Variants in CFAP20DC observed in about 807,000 individuals in gnomAD.
CFAP20DC encodes the protein protein CFAP20DC.
In CFAP20DC, 84 loss-of-function variants were observed where a neutral mutation model predicts 101.7. The ratio of observed to expected loss-of-function variants is 0.83; its 90% CI spans 0.69 to 0.99. CFAP20DC has a LOEUF of 0.99. CFAP20DC is among the 50% of genes least tolerant of loss of function. The probability of loss-of-function intolerance (pLI) is 0.00; values close to 1 mark genes in which losing one functional copy is unlikely to be tolerated. For synonymous variants in CFAP20DC, 359 were observed against 351.2 expected (o/e 1.02, Z -0.25); for missense variants, 1,007 against 970.3 (o/e 1.04, Z -0.50).
At chr3:58,919,255 GT>G (rs879570100) in intron 5 of CFAP20DC, among the ~76,000 whole-genome samples, 10 of 149,388 alleles carry the variant, frequency 6.7e-5, no homozygotes, top group Middle Eastern at 3.5e-3. Flanking sequence ...TATATTGGTA[GT>G]TTTTTTTTTA....
intron 14 of CFAP20DC, among the ~76,000 whole-genome samples, chr3:58,815,909 C>G (rs530882466): frequency 1.8e-4 from 28 of 151,436 alleles, no homozygotes; most frequent in East Asian, 3.9e-4. Context: ...TACACTGTTG[C>G]TGGGACTGTA....
intron 13 of CFAP20DC, among the ~76,000 whole-genome samples, chr3:58,835,725 A>G (rs760877628): frequency 2.6e-5 from 4 of 152,208 alleles, no homozygotes; most frequent in Non-Finnish European, 5.9e-5. Context: ...TAATTAACTT[A>G]GTCCTGCGAA....
Position 58,861,361 on chromosome 3 carries a change from T to C in CFAP20DC, c.1593+2197A>G. On this transcript the variant is annotated intron_variant, in intron 12 of 16. Coordinates refer to ENST00000482387, the MANE Select transcript of CFAP20DC (RefSeq NM_001394063.1). The surrounding 1 kb of genome is among the most constrained non-coding windows in gnomAD (Gnocchi z 4.0). ...AAGTATAATTATACAAAGATAAGGA[T>C]GTAACATTCTAAAATAATGCAATTA... 1 of 760,192 alleles carries C rather than the reference T, an allele frequency of 1.3e-6. No individual in the cohort carries two copies. The highest frequency in any genetic ancestry group is 1.6e-6 in the Non-Finnish European group (1 of 624,748). The allele number at this position is 760,192 out of a possible 1,614,324, so 47.1% of individuals were successfully genotyped here. A position where few individuals can be genotyped will look rare whatever the true frequency, so the allele number is the denominator to read the frequency against.
intron 4 of CFAP20DC, among the ~76,000 whole-genome samples, chr3:58,992,868 A>G (rs1239655541): frequency 6.6e-6 from 1 of 152,108 alleles, no homozygotes; most frequent in Non-Finnish European, 1.5e-5. Flanking sequence ...AGCTTATTTT[A>G]AAATAAAATA....
At chr3:58,991,386 T>A (rs539591756) in intron 4 of CFAP20DC, among the ~76,000 whole-genome samples, 1 of 152,174 alleles carries the variant, frequency 6.6e-6, no homozygotes, top group South Asian at 2.1e-4. Context: ...TCAATAAATA[T>A]TCACTGAATA....
intron 10 of CFAP20DC, among the ~76,000 whole-genome samples, chr3:58,867,004 T>C (rs935778706): frequency 6.6e-6 from 1 of 152,186 alleles, no homozygotes; most frequent in African/African-American, 2.4e-5. Flanking sequence ...GGGTTCCACA[T>C]GAAATGAAGT....
At chr3:58,838,505 G>A (rs1417078673) in intron 13 of CFAP20DC, among the ~76,000 whole-genome samples, 1 of 152,078 alleles carries the variant, frequency 6.6e-6, no homozygotes, top group South Asian at 2.1e-4. Context: ...AAACCAATTG[G>A]TGGCAAAATT....
At chr3:58,969,316 T>A (rs1251641937) in intron 4 of CFAP20DC, among the ~76,000 whole-genome samples, 1 of 152,148 alleles carries the variant, frequency 6.6e-6, no homozygotes, top group East Asian at 1.9e-4. Context: ...GGGATGGGTA[T>A]AATAAAAAAA....
At chr3:58,819,054 C>G (rs919378273) in intron 14 of CFAP20DC, among the ~76,000 whole-genome samples, 1 of 150,088 alleles carries the variant, frequency 6.7e-6, no homozygotes, top group Admixed American at 6.6e-5. Flanking sequence ...GGGTACATAA[C>G]GAAATGAAGG....
chr3:58,757,963 A>T (rs1167802390), intron 15 of CFAP20DC, among the ~76,000 whole-genome samples: 1 of 152,140 alleles, frequency 6.6e-6, no homozygotes, highest in Admixed American at 6.6e-5. Flanking sequence ...ATCAACCAGG[A>T]CTTTTCTTGC....
intron 3 of CFAP20DC, among the ~76,000 whole-genome samples, chr3:59,041,069 C>G (rs1312473347): frequency 1.3e-5 from 2 of 152,032 alleles, no homozygotes; most frequent in Admixed American, 1.3e-4. Flanking sequence ...TTAAATAAAC[C>G]ATCCTCAATG....
Position 58,729,336 on chromosome 3 carries a change from G to C in CFAP20DC, c.198-11708C>G, listed in dbSNP as rs1015184197. Among the ~76,000 whole-genome samples the C allele has an allele frequency of 7.2e-5, 11 of 152,050 alleles. No individual in the cohort carries two copies. The highest frequency in any genetic ancestry group is 2.4e-4 in the African/African-American group (10 of 41,422). Reference sequence around the variant, plus strand: ...AGATTTTTATTAGATTTATTTCTAGGTATTTGATGTTCTTTGATGCATCTA... The same window carrying C: ...AGATTTTTATTAGATTTATTTCTAGCTATTTGATGTTCTTTGATGCATCTA... On this transcript the variant is annotated intron_variant, in intron 3 of 3. Coordinates refer to the CFAP20DC transcript ENST00000486145. This position sits in a 1 kb window ranked among gnomAD's most constrained non-coding sequence, Gnocchi z 4.4.
chr3:58,968,942 T>C (rs9875826), intron 4 of CFAP20DC, among the ~76,000 whole-genome samples: 8,977 of 152,240 alleles, frequency 0.059, 873 homozygotes, highest in African/African-American at 0.2. Flanking sequence ...CTAGTTATTC[T>C]AGCACCATTT....
Position 58,831,698 on chromosome 3 carries a change from G to A in CFAP20DC, c.2163C>T (p.Ser721=), listed in dbSNP as rs750409795. 1.9e-6 allele frequency: 3 copies of A among 1,613,732 alleles called. No individual in the cohort carries two copies. Among genetic ancestry groups the A allele is most frequent in the East Asian group, 2.2e-5 (1 of 44,888 alleles). ...GCCAGGGACTCACGGGTGGCAGGCA[G>A]GAGTTCCAGGTGGTTGTGTCGTCAC... ...TSSDDTTTWN[S]CLPPPVNQGR... is the part of the protein sequence containing the mutation. Residue 721 remains serine, a synonymous_variant, in exon 14 of 17, where the codon TCC becomes TCT. Coordinates refer to ENST00000482387, the MANE Select transcript of CFAP20DC (RefSeq NM_001394063.1).
intron 15 of CFAP20DC, among the ~76,000 whole-genome samples, chr3:58,781,592 A>G (rs559787275): frequency 1.3e-5 from 2 of 152,120 alleles, no homozygotes; most frequent in Admixed American, 1.3e-4. Flanking sequence ...ATCAGAAATG[A>G]AACCGAAGAT....
chr3:58,760,392 G>C (rs980956455), intron 15 of CFAP20DC, among the ~76,000 whole-genome samples: 2 of 152,204 alleles, frequency 1.3e-5, no homozygotes, highest in Non-Finnish European at 2.9e-5. Flanking sequence ...TTTGTATCCT[G>C]AGACTTTGCT....
chr3:58,951,387 C>G (rs913023206), intron 4 of CFAP20DC, among the ~76,000 whole-genome samples: 3 of 152,148 alleles, frequency 2.0e-5, no homozygotes, highest in Admixed American at 6.5e-5. Flanking sequence ...TACCATTTGA[C>G]CCAGCCATCC....
At chr3:59,042,440 G>A (rs1341968893) in intron 3 of CFAP20DC, among the ~76,000 whole-genome samples, 1 of 151,840 alleles carries the variant, frequency 6.6e-6, no homozygotes, top group African/African-American at 2.4e-5. Context: ...TATTCTCGGG[G>A]GTAAATGCTG....
intron 3 of CFAP20DC, among the ~76,000 whole-genome samples, chr3:59,041,127 T>G (rs866448089): frequency 6.6e-6 from 1 of 152,092 alleles, no homozygotes; most frequent in Non-Finnish European, 1.5e-5. Context: ...ATTTTTCCAT[T>G]GCACAATGGC....
Sources: gnomAD v4.1 joint callset for allele counts (sites outside exome capture counted in the v4.1 genomes callset) on GRCh38, gnomAD v4.1.1 for gene constraint, Gnocchi (gnomAD v3.1) non-coding constraint, MANE v1.5 for transcripts, NCBI Gene and HGNC (gene_info 2026-07-23, HGNC 2026-07-21) for gene names.